The following CCNYL1 variants were observed in gnomAD, a reference collection of about 807,000 sequenced individuals.
The protein encoded by CCNYL1 is cyclin Y like 1.
CCNYL1 carries 16 observed loss-of-function variants against 44.2 expected under a neutral mutation model. That is an observed-to-expected ratio of 0.36 (90% CI 0.25 to 0.55). CCNYL1 has a LOEUF of 0.55. CCNYL1 is among the 20% of genes least tolerant of loss of function. CCNYL1 has a pLI of 0.85. For synonymous variants in CCNYL1, 159 were observed against 163.2 expected, an observed-to-expected ratio of 0.97 and a Z score of 0.20; for missense variants, 348 against 451.8, an observed-to-expected ratio of 0.77 and a Z score of 2.08.
At chr2:207,747,523 A>T (rs2091862785) in intron 8 of CCNYL1, among the ~76,000 whole-genome samples, 1 of 152,092 alleles carries the variant, frequency 6.6e-6, no homozygotes. Flanking sequence ...TACCAGAACA[A>T]CATAGCACAG....
At chr2:207,739,645 C>T (rs143696366) in intron 5 of CCNYL1, among the ~76,000 whole-genome samples, 1 of 152,322 alleles carries the variant, frequency 6.6e-6, no homozygotes, top group Admixed American at 6.5e-5. Context: ...CTTAACACAA[C>T]TCTACCTCGG....
At chr2:207,722,995 C>T (rs1471845058) in intron 1 of CCNYL1, among the ~76,000 whole-genome samples, 1 of 151,356 alleles carries the variant, frequency 6.6e-6, no homozygotes, top group Non-Finnish European at 1.5e-5. Context: ...GTAGAGGCAG[C>T]TGTGAAAGTC....
chr2:207,718,419 A>AT (rs2091614008), intron 1 of CCNYL1, among the ~76,000 whole-genome samples: 1 of 151,976 alleles, frequency 6.6e-6, no homozygotes, highest in South Asian at 2.1e-4. Flanking sequence ...GAGGCAGGAG[A>AT]ATCTCCTGAG....
intron 4 of CCNYL1, 103 bp downstream of exon 4, chr2:207,734,150 C>A: frequency 1.5e-6 from 1 of 651,036 alleles, no homozygotes; most frequent in Admixed American, 2.6e-5. Context: ...TCCTTTTCAG[C>A]AATGAGTTTA....
At chr2:207,716,082 C>T (rs766672274) in intron 1 of CCNYL1, among the ~76,000 whole-genome samples, 6 of 152,156 alleles carry the variant, frequency 3.9e-5, no homozygotes, top group Non-Finnish European at 7.3e-5. Flanking sequence ...ACATAACTGA[C>T]GGTAGTATCA....
intron 4 of CCNYL1, among the ~76,000 whole-genome samples, chr2:207,735,334 G>T (rs748612681): frequency 1.3e-5 from 2 of 152,150 alleles, no homozygotes; most frequent in Non-Finnish European, 2.9e-5. Flanking sequence ...CATAGGTTGG[G>T]TGAGCCATAT....
chr2:207,720,255 G>C (rs1331295009), intron 1 of CCNYL1, among the ~76,000 whole-genome samples: 1 of 151,246 alleles, frequency 6.6e-6, no homozygotes, highest in Non-Finnish European at 1.5e-5. Context: ...TGGCATATAG[G>C]ATTAGAATTT....
At chr2:207,727,125 G>T (rs964799247) in intron 3 of CCNYL1, among the ~76,000 whole-genome samples, 21 of 152,054 alleles carry the variant, frequency 1.4e-4, no homozygotes, top group African/African-American at 4.8e-4. Context: ...ATAAATATCT[G>T]CCTTAAATAT....
At chr2:207,725,111 G>A (rs1231387292) in intron 2 of CCNYL1, among the ~76,000 whole-genome samples, 1 of 145,966 alleles carries the variant, frequency 6.9e-6, no homozygotes, top group Non-Finnish European at 1.5e-5. Flanking sequence ...TTGGCCACAT[G>A]ATTTAGTAAC....
chr2:207,716,891 C>T (rs943295445), intron 1 of CCNYL1, among the ~76,000 whole-genome samples: 19 of 151,968 alleles, frequency 1.3e-4, no homozygotes, highest in African/African-American at 3.9e-4. Context: ...GGGTGGATCA[C>T]GAGGTCAGGA....
chr2:207,738,885 A>G (rs1280326822), intron 5 of CCNYL1, among the ~76,000 whole-genome samples: 1 of 151,736 alleles, frequency 6.6e-6, no homozygotes, highest in Non-Finnish European at 1.5e-5. Context: ...ATACCAGCTA[A>G]TTTTTTGTAT....
intron 9 of CCNYL1, 70 bp from the exon 10 acceptor site, chr2:207,753,518 A>G (rs1337967424): frequency 9.8e-6 from 10 of 1,016,676 alleles, no homozygotes; most frequent in Middle Eastern, 2.1e-4. Context: ...GGCTTTCACA[A>G]TGGTGCTCTT....
In CCNYL1 at chr2:207,755,185, T is replaced by A. The variant is rs544268840; in HGVS notation, c.*1487T>A. On this transcript the variant is annotated 3_prime_UTR_variant, in exon 10 of 10. Coordinates refer to ENST00000295414, the MANE Select transcript of CCNYL1 (RefSeq NM_001330218.2). ...CTTGAGTGCAGGAGTTCAAGACCAG[T>A]CTAGGCAACATAGTGAGACCCTGCC... The A allele has an allele frequency of 6.6e-6, 1 of 152,150 alleles. No individual in the cohort carries two copies. Among genetic ancestry groups the A allele is most frequent in the Admixed American group, 6.5e-5 (1 of 15,276 alleles). The allele number at this position is 152,150 out of a possible 1,614,324, so 9.4% of individuals were successfully genotyped here.
intron 1 of CCNYL1, among the ~76,000 whole-genome samples, chr2:207,715,067 A>G (rs1381773208): frequency 6.6e-6 from 1 of 152,186 alleles, no homozygotes; most frequent in African/African-American, 2.4e-5. Context: ...CAGGAGTTCG[A>G]GAGCAGCCTG....
chr2:207,718,375 G>C (rs1186242103), intron 1 of CCNYL1, among the ~76,000 whole-genome samples: 1 of 152,032 alleles, frequency 6.6e-6, no homozygotes. Context: ...AGGTGTGGTG[G>C]CACACACCCA....
chr2:207,717,895 T>C (rs1212290656), intron 1 of CCNYL1, among the ~76,000 whole-genome samples: 1 of 127,724 alleles, frequency 7.8e-6, no homozygotes, highest in African/African-American at 2.9e-5. Flanking sequence ...GCCTGGGAAA[T>C]ATTTTTAATT....
Position 207,754,836 on chromosome 2 carries a change from C to G in CCNYL1, c.*1138C>G, listed in dbSNP as rs1322885146. The G allele has an allele frequency of 3.3e-5, 5 of 153,794 alleles. 1 individual carries two copies. The highest frequency in any genetic ancestry group is 7.3e-5 in the Non-Finnish European group (5 of 68,122). The allele number at this position is 153,794 out of a possible 1,614,324, so 9.5% of individuals were successfully genotyped here. A position where few individuals can be genotyped will look rare whatever the true frequency, so the allele number is the denominator to read the frequency against. On this transcript the variant is annotated 3_prime_UTR_variant, in exon 10 of 10. Transcript: ENST00000295414. ...AGCTTTTAATTTTTTGTTTCGGTCA[C>G]TCTTGATAGCAGACATTGACTGAAA...
intron 1 of CCNYL1, among the ~76,000 whole-genome samples, chr2:207,715,223 G>A (rs1023473596): frequency 2.0e-5 from 3 of 152,028 alleles, no homozygotes; most frequent in Non-Finnish European, 4.4e-5. Context: ...AGCTGAGATC[G>A]TGCCACTGCA....
chr2:207,724,744 GA>G, intron 1 of CCNYL1, 55 bp from the exon 2 acceptor site: 2 of 1,280,450 alleles, frequency 1.6e-6, no homozygotes, highest in South Asian at 2.4e-5. Flanking sequence ...ATCTATTTCA[GA>G]AATCATCTTT....
Sources: allele counts gnomAD v4.1 joint callset (sites outside exome capture counted in the v4.1 genomes callset), GRCh38; gene constraint gnomAD v4.1.1; transcripts MANE v1.5; gene names NCBI Gene and HGNC (gene_info 2026-07-23, HGNC 2026-07-21).